LTBP4: variants seen among roughly 807,000 people sequenced by gnomAD.
LTBP4 encodes the protein latent-transforming growth factor beta-binding protein 4.
A neutral mutation model predicts 180.2 loss-of-function variants in LTBP4; 93 were observed. That is an observed-to-expected ratio of 0.52 (90% CI 0.44 to 0.61). The LOEUF (loss-of-function observed/expected upper bound fraction) is 0.61. LTBP4 is among the 20% of genes least tolerant of loss of function. The pLI, the probability that LTBP4 is intolerant of heterozygous loss-of-function variation, is 0.00. For synonymous variants in LTBP4, 947 were observed against 934.5 expected (o/e 1.01, Z -0.24); for missense variants, 2,116 against 2,256.5 (o/e 0.94, Z 1.26).
chr19:40,611,009 G>A lies in LTBP4; in HGVS notation c.1811-143G>A. 8.6e-7 allele frequency: 1 copy of A among 1,169,424 alleles called. No individual in the cohort carries two copies. The highest frequency in any genetic ancestry group is 1.2e-6 in the Non-Finnish European group (1 of 827,484). The allele number at this position is 1,169,424 out of a possible 1,614,324, so 72.4% of individuals were successfully genotyped here. The stretch of plus-strand genomic sequence containing the variant: ...CCAGGCAGCTTAGTAGGGATTGGTG[G>A]AGGATGCAGAGTCAGATGATGGTGA... On this transcript the variant is annotated intron_variant, in intron 12 of 29. Coordinates refer to ENST00000396819, the MANE Select transcript of LTBP4 (RefSeq NM_001042545.2). The surrounding 1 kb of genome is among the most constrained non-coding windows in gnomAD (Gnocchi z 4.4).
Position 40,613,965 on chromosome 19 carries a change from C to A in LTBP4, c.2607C>A (p.Thr869=). The change falls in exon 18 of 30, where the codon ACC becomes ACA. Residue 869 remains threonine, a synonymous_variant. Coordinates refer to ENST00000396819, the MANE Select transcript of LTBP4 (RefSeq NM_001042545.2). This position sits in a 1 kb window ranked among gnomAD's most constrained non-coding sequence, Gnocchi z 5.0. ...EEDLCQSGIC[T]NTDGSFECIC... is the part of the protein sequence containing the mutation. ...ACCTTTGCCAGAGCGGCATCTGTAC[C>A]AACACCGACGGCTCCTTCGAGTGCA... The A allele has an allele frequency of 6.2e-7, 1 of 1,613,708 alleles. No individual in the cohort carries two copies. Among genetic ancestry groups the A allele is most frequent in the Non-Finnish European group, 8.5e-7 (1 of 1,179,832 alleles).
At position 40,608,542 on chromosome 19, in the gene LTBP4, C is replaced by G. The variant is rs754251969; in HGVS notation, c.1365C>G (p.Pro455=). Reference sequence around the variant, plus strand: ...CTGAACCCCGGCCCGATCCCCGGCCCGGCCCTGAGCTTCCCTTGCCCAGCA... The same window carrying G: ...CTGAACCCCGGCCCGATCCCCGGCCGGGCCCTGAGCTTCCCTTGCCCAGCA... ...PRPEPRPDPR[P]GPELPLPSIP... is the part of the protein sequence containing the mutation. The change falls in exon 9 of 30, where the codon CCC becomes CCG. Residue 455 remains proline, a synonymous_variant. Coordinates refer to ENST00000396819, the MANE Select transcript of LTBP4 (RefSeq NM_001042545.2). 6.2e-7 allele frequency: 1 copy of G among 1,606,148 alleles called. No homozygotes were observed.
upstream of LTBP4, chr19:40,599,129 C>A: frequency 6.9e-7 from 1 of 1,453,010 alleles, no homozygotes; most frequent in South Asian, 1.2e-5. Context: ...TTCCCCTCCC[C>A]GATTGCCCTC....
rs1336264487 is a variant in LTBP4 at position 40,611,827 on chromosome 19, T to A, written c.2054-32T>A. Reference sequence around the variant, plus strand: ...GGCCATGGGAATGGATTCAGGCCCCTTCCTCAGCCTCATTGGTCCCCTCTG... The same window carrying A: ...GGCCATGGGAATGGATTCAGGCCCCATCCTCAGCCTCATTGGTCCCCTCTG... On this transcript the variant is annotated intron_variant, in intron 13 of 29. Transcript: ENST00000396819. The surrounding 1 kb of genome is among the most constrained non-coding windows in gnomAD (Gnocchi z 4.4). 1 of 1,592,422 alleles carries A rather than the reference T, an allele frequency of 6.3e-7. No homozygotes were observed. Among genetic ancestry groups the A allele is most frequent in the East Asian group, 2.3e-5 (1 of 43,940 alleles).
In LTBP4 at chr19:40,609,207, T is replaced by C. The variant is rs1161704177; in HGVS notation, c.1427-323T>C. 6.6e-6 allele frequency among the ~76,000 whole-genome samples: 1 copy of C among 152,118 alleles called. No individual in the cohort carries two copies. The highest frequency in any genetic ancestry group is 1.5e-5 in the Non-Finnish European group (1 of 68,016). The stretch of plus-strand genomic sequence containing the variant: ...TAGTAAGTGCTCAGATAAATACTTA[T>C]GGTAGATAATTATTTTTCATTATCT... On this transcript the variant is annotated intron_variant, in intron 9 of 29. Coordinates refer to ENST00000396819, the MANE Select transcript of LTBP4 (RefSeq NM_001042545.2). The surrounding 1 kb of genome is among the most constrained non-coding windows in gnomAD (Gnocchi z 4.9).
At chr19:40,608,006 C>A (rs967373007) in intron 7 of LTBP4, among the ~76,000 whole-genome samples, 2 of 152,184 alleles carry the variant, frequency 1.3e-5, no homozygotes, top group Non-Finnish European at 2.9e-5. Context: ...CTGTTCCTAC[C>A]ACCATCCCAA....
At position 40,606,227 on chromosome 19, in the gene LTBP4, C is replaced by T; in HGVS notation, c.794-6C>T. ...TCCCTGGCCCACCCCTCTCCTCTCG[C>T]CACAGGGAACTCCGAAAGAGTGAGC... On this transcript the variant is annotated splice_polypyrimidine_tract_variant and splice_region_variant and intron_variant, in intron 4 of 29. Transcript: ENST00000396819. 2 of 1,582,410 alleles carry T rather than the reference C, an allele frequency of 1.3e-6. No individual in the cohort carries two copies. The highest frequency in any genetic ancestry group is 8.6e-7 in the Non-Finnish European group (1 of 1,163,628).
intron 1 of LTBP4, among the ~76,000 whole-genome samples, chr19:40,593,389 T>A (rs898770830): frequency 6.6e-6 from 1 of 152,074 alleles, no homozygotes; most frequent in African/African-American, 2.4e-5. Context: ...ACTACAGGTG[T>A]GTGCCACCAC....
In LTBP4 at chr19:40,606,641, G is replaced by C. The variant is rs75217335; in HGVS notation, c.991+115G>C. ...CCCCCCCAGACTCCCGGGTTCCTCT[G>C]TCAGCCTTAGAGCCCCCTCAGAACT... On this transcript the variant is annotated intron_variant, in intron 6 of 29. Transcript: ENST00000396819. 0.069 allele frequency: 92,301 copies of C among 1,338,764 alleles called. 3,638 individuals are homozygous for C. The highest frequency in any genetic ancestry group is 0.082 in the Non-Finnish European group (80,838 of 984,586). 82.9% of individuals were successfully genotyped at this position (1,338,764 alleles called of 1,614,324 possible). A position where few individuals can be genotyped will look rare whatever the true frequency, so the allele number is the denominator to read the frequency against.
At chr19:40,608,433 G>C (rs1486306253) in intron 8 of LTBP4, 51 bp from the exon 9 acceptor site, 1 of 1,596,156 alleles carries the variant, frequency 6.3e-7, no homozygotes, top group African/African-American at 1.3e-5. Flanking sequence ...CATAGTGAAA[G>C]GAGGCAAGAG....
At position 40,613,446 on chromosome 19, in the gene LTBP4, G is replaced by C; in HGVS notation, c.2474G>C (p.Gly825Ala). 6.2e-7 allele frequency: 1 copy of C among 1,603,572 alleles called. No homozygotes were observed. ...GAGGGCGATTTCTGCTTCCCTCACG[G>C]CGAGTGCCTCAACACTGACGGCTCC... ...CLEGDFCFPH[G>A]ECLNTDGSFA... is the part of the protein sequence containing the mutation. Residue 825 changes from glycine to alanine, a missense_variant, in exon 17 of 30, where the codon GGC (glycine) becomes GCC (alanine). By Grantham distance (60) the Gly-to-Ala change is moderately conservative. This residue lies in a region of LTBP4 where 877 missense variants were observed against 873.6 expected (regional missense o/e 1.00). Coordinates refer to ENST00000396819, the MANE Select transcript of LTBP4 (RefSeq NM_001042545.2). The surrounding 1 kb of genome is among the most constrained non-coding windows in gnomAD (Gnocchi z 5.0).
intron 1 of LTBP4, among the ~76,000 whole-genome samples, chr19:40,602,144 G>GTT (rs1478089569): frequency 6.3e-5 from 7 of 111,564 alleles, no homozygotes; most frequent in African/African-American, 1.4e-4. Flanking sequence ...AGAGACGGGG[G>GTT]TTGTGTGTGT....
In LTBP4 at chr19:40,619,434, AC is replaced by A; in HGVS notation, c.3159del (p.Asn1053LysfsTer9). On this transcript the variant is annotated frameshift_variant, in exon 22 of 30. Coordinates refer to ENST00000396819, the MANE Select transcript of LTBP4 (RefSeq NM_001042545.2). LOFTEE classifies it high-confidence loss of function. ...GGCTCCTTCCTCTGTGTCTGCCCCA[AC>A]AGCCCGGAAGAGTTTGACCCCATGA... ...VEGSFLCVCPNSPEEFDPMTG... is the reference protein window; with the variant it reads ...VEGSFLCVCPXSPEEFDPMTG... 1 of 1,613,868 alleles carries A rather than the reference AC, an allele frequency of 6.2e-7. No individual in the cohort carries two copies. Among genetic ancestry groups the A allele is most frequent in the Non-Finnish European group, 8.5e-7 (1 of 1,179,858 alleles).
chr19:40,602,839 G>A (rs768951811), intron 1 of LTBP4, among the ~76,000 whole-genome samples: 1 of 152,192 alleles, frequency 6.6e-6, no homozygotes, highest in Non-Finnish European at 1.5e-5. Flanking sequence ...TTCAGGCCAA[G>A]AGAAGGCAGA....
At chr19:40,598,732 C>T, upstream of LTBP4, 2 of 246,186 alleles carry the variant, frequency 8.1e-6, no homozygotes, top group Non-Finnish European at 1.6e-5. Context: ...AGGGAAGAGC[C>T]TTCCCTCCCC....
chr19:40,616,440 A>G (rs1468687745), intron 19 of LTBP4, among the ~76,000 whole-genome samples: 2 of 152,096 alleles, frequency 1.3e-5, no homozygotes, highest in African/African-American at 4.8e-5. Context: ...AAGAAAAAAA[A>G]AAAAGATAGT....
chr19:40,595,098 A>G (rs1180366550), intron 1 of LTBP4, among the ~76,000 whole-genome samples: 1 of 152,016 alleles, frequency 6.6e-6, no homozygotes, highest in African/African-American at 2.4e-5. Flanking sequence ...GCTTTGGGAT[A>G]TGGGGCCTGG....
Position 40,627,353 on chromosome 19 carries a change from C to T in LTBP4, c.4364C>T (p.Ala1455Val), listed in dbSNP as rs2081643138. 1 of 1,497,028 alleles carries T rather than the reference C, an allele frequency of 6.7e-7. No homozygotes were observed. The highest frequency in any genetic ancestry group is 2.1e-5 in the Admixed American group (1 of 46,840). 92.7% of individuals were successfully genotyped at this position (1,497,028 alleles called of 1,614,324 possible). The stretch of plus-strand genomic sequence containing the variant: ...GAGCCTCCTGAAGGTGGAAGCTATG[C>T]TGGTGAGCACTGCCAGCGCATGATG... Reference protein sequence around the residue: ...PEEPPEGGSYAGSLAEPYEEL... With the variant: ...PEEPPEGGSYVGSLAEPYEEL... The change falls in exon 28 of 30, where the codon GCT becomes GTT. Residue 1455 changes from alanine to valine, a missense_variant and splice_region_variant. Physicochemically the swap from Ala to Val is moderately conservative, Grantham distance 64. This residue lies in a region of LTBP4 where 488 missense variants were observed against 458.8 expected (regional missense o/e 1.06). Coordinates refer to ENST00000396819, the MANE Select transcript of LTBP4 (RefSeq NM_001042545.2).
chr19:40,602,328 G>C (rs1417105378), intron 1 of LTBP4, among the ~76,000 whole-genome samples: 1 of 151,528 alleles, frequency 6.6e-6, no homozygotes, highest in Non-Finnish European at 1.5e-5. Context: ...GGCACTCCTA[G>C]AGATGGGGAG....
Sources: allele counts gnomAD v4.1 joint callset (sites outside exome capture counted in the v4.1 genomes callset), GRCh38; gene constraint gnomAD v4.1.1; regional missense constraint gnomAD v4.1.1; non-coding constraint Gnocchi (gnomAD v3.1); transcripts MANE v1.5; gene names NCBI Gene and HGNC (gene_info 2026-07-23, HGNC 2026-07-21).